CDHR5: variants seen among roughly 807,000 people sequenced by gnomAD.
The protein encoded by CDHR5 is cadherin related family member 5.
In CDHR5, 82 loss-of-function variants were observed where a neutral mutation model predicts 69.5. The observed-to-expected ratio is 1.18, with a 90% CI of 0.99 to 1.42. The LOEUF is 1.42. CDHR5 is among the 40% of genes most tolerant of loss of function. CDHR5 has a pLI of 0.00. For synonymous variants in CDHR5, 601 were observed against 510.2 expected (o/e 1.18, Z -2.40); for missense variants, 1,293 against 1,168.9 (o/e 1.11, Z -1.55).
chr11:617,056 A>G lies in CDHR5; in HGVS notation c.*295T>C. On this transcript the variant is annotated 3_prime_UTR_variant, in exon 15 of 15. Coordinates refer to ENST00000397542, the MANE Select transcript of CDHR5 (RefSeq NM_021924.5). ...GGTTAGAGCGGGAGAGGAACTTCCC[A>G]GACTAGCTGGCACAGAGCCTCGGGA... The G allele has an allele frequency of 2.2e-6, 1 of 458,950 alleles. No homozygotes were observed. The highest frequency in any genetic ancestry group is 3.9e-6 in the Non-Finnish European group (1 of 256,988). The allele number at this position is 458,950 out of a possible 1,614,324, so 28.4% of individuals were successfully genotyped here.
chr11:621,631 C>CT lies in CDHR5; in HGVS notation c.437dup (p.Thr147AspfsTer6), dbSNP rs773949240. On this transcript the variant is annotated frameshift_variant, in exon 5 of 15. Coordinates refer to ENST00000397542, the MANE Select transcript of CDHR5 (RefSeq NM_021924.5). LOFTEE classifies it high-confidence loss of function. The surrounding 1 kb of genome is among the most constrained non-coding windows in gnomAD (Gnocchi z 4.4). ...CGCGGTCCTCAGCCTGCAGTTGCGT[C>CT]TCGGGGATGACGGTGGAGTTCACTT... 1 of 1,613,800 alleles carries CT rather than the reference C, an allele frequency of 6.2e-7. No individual in the cohort carries two copies. The highest frequency in any genetic ancestry group is 1.1e-5 in the South Asian group (1 of 91,066).
At chr11:622,736 A>G (rs1857486669) in intron 3 of CDHR5, among the ~76,000 whole-genome samples, 2 of 151,764 alleles carry the variant, frequency 1.3e-5, no homozygotes, top group Admixed American at 6.6e-5. Flanking sequence ...TCGGCCTCCC[A>G]AAGTGCTGGG....
Position 621,778 on chromosome 11 carries a change from C to T in CDHR5, c.405+34G>A, listed in dbSNP as rs969268819. ...GCCCTCACCCTGGGCTCCCACACCC[C>T]CGTGCCCAGTCCCCGCGGCTTCGCT... is the stretch of plus-strand genomic sequence containing the variant. On this transcript the variant is annotated intron_variant, in intron 4 of 14. Transcript: ENST00000397542. The surrounding 1 kb of genome is among the most constrained non-coding windows in gnomAD (Gnocchi z 4.4). 5 of 1,590,776 alleles carry T rather than the reference C, an allele frequency of 3.1e-6. No homozygotes were observed. In the African/African-American group the frequency reaches 5.4e-5, roughly 17 times the overall value.
Position 621,480 on chromosome 11 carries a change from G to T in CDHR5, c.508-25C>A. 6.2e-7 allele frequency: 1 copy of T among 1,602,888 alleles called. No homozygotes were observed. The highest frequency in any genetic ancestry group is 8.5e-7 in the Non-Finnish European group (1 of 1,170,502). ...CCTGGGGAGGGTCAGGGAGGACAGA[G>T]CCTAAGAGCCTTGGAGGGCGAGGGC... On this transcript the variant is annotated intron_variant, in intron 5 of 14. Coordinates refer to ENST00000397542, the MANE Select transcript of CDHR5 (RefSeq NM_021924.5). This position sits in a 1 kb window ranked among gnomAD's most constrained non-coding sequence, Gnocchi z 4.4.
intron 8 of CDHR5, 45 bp from the exon 9 acceptor site, chr11:620,209 AG>A: frequency 1.9e-6 from 3 of 1,591,714 alleles, no homozygotes; most frequent in Non-Finnish European, 2.6e-6. Context: ...CCTGAGGCCC[AG>A]GGACCCAGCC....
rs1317140331 is a variant in CDHR5 at position 624,382 on chromosome 11, G to A, written c.262-119C>T. On this transcript the variant is annotated intron_variant, in intron 2 of 14. Coordinates refer to ENST00000397542, the MANE Select transcript of CDHR5 (RefSeq NM_021924.5). This position sits in a 1 kb window ranked among gnomAD's most constrained non-coding sequence, Gnocchi z 5.3. ...TCAGTGGTCAGTGCTGAGGGTGTGGGCCCAGGCAGCTTCATCCCGAAATGG... is the reference window on the plus strand; with the variant it reads ...TCAGTGGTCAGTGCTGAGGGTGTGGACCCAGGCAGCTTCATCCCGAAATGG... 8 of 760,518 alleles carry A rather than the reference G, an allele frequency of 1.1e-5. No homozygotes were observed. The highest frequency in any genetic ancestry group is 1.9e-5 in the Non-Finnish European group (8 of 423,270). The allele number at this position is 760,518 out of a possible 1,614,324, so 47.1% of individuals were successfully genotyped here.
chr11:620,977 C>T, intron 7 of CDHR5, 103 bp downstream of exon 7: 2 of 741,070 alleles, frequency 2.7e-6, no homozygotes, highest in Middle Eastern at 4.2e-4. Context: ...TCGGCCCCAC[C>T]CCCTGACCCC....
chr11:620,977 CCCCTGA>C, intron 7 of CDHR5, 97 bp downstream of exon 7: 2 of 741,066 alleles, frequency 2.7e-6, no homozygotes, highest in African/African-American at 1.8e-5. Context: ...TCGGCCCCAC[CCCCTGA>C]CCCCGACCCC....
At position 620,348 on chromosome 11, in the gene CDHR5, A is replaced by G; in HGVS notation, c.828T>C (p.Ala276=). ...GGTTGATGCCGCGGTCTCCGTCCTC[A>G]GCGTAGATGGGTCCGGGACGCAGGA... The part of the protein sequence containing the change: ...PLVLRPGPIY[A]EDGDRGINQP... Residue 276 remains alanine, a synonymous_variant, in exon 8 of 15, where the codon GCT becomes GCC. Coordinates refer to ENST00000397542, the MANE Select transcript of CDHR5 (RefSeq NM_021924.5). 1 of 1,612,590 alleles carries G rather than the reference A, an allele frequency of 6.2e-7. No homozygotes were observed. The highest frequency in any genetic ancestry group is 8.5e-7 in the Non-Finnish European group (1 of 1,179,196).
rs753895805 is a variant in CDHR5 at position 624,631 on chromosome 11, C to T, written c.187G>A (p.Gly63Arg). 24 of 1,613,124 alleles carry T rather than the reference C, an allele frequency of 1.5e-5. No homozygotes were observed. The highest frequency in any genetic ancestry group is 2.2e-5 in the East Asian group (1 of 44,874). Residue 63 changes from glycine (G) to arginine (R), a missense_variant, in exon 2 of 15, where the codon GGA becomes AGA. Transcript: ENST00000397542. This position sits in a 1 kb window ranked among gnomAD's most constrained non-coding sequence, Gnocchi z 5.3. Reference sequence around the variant, plus strand: ...AATGCAAAGGGGGTGGACAAGGCTCCGAGGGTCACCTCCTGGCCCTCCGGG... The same window carrying T: ...AATGCAAAGGGGGTGGACAAGGCTCTGAGGGTCACCTCCTGGCCCTCCGGG... ...HVPEGQEVTLGALSTPFAFRI... is the reference protein window; with the variant it reads ...HVPEGQEVTLRALSTPFAFRI...
intron 14 of CDHR5, 72 bp downstream of exon 14, chr11:617,882 C>T (rs1187505405): frequency 2.1e-5 from 32 of 1,543,386 alleles, no homozygotes; most frequent in Middle Eastern, 2.1e-4. Context: ...GTCCCTCTGC[C>T]CTCCCCTCTC....
intron 14 of CDHR5, 64 bp downstream of exon 14, chr11:617,890 C>T (rs1857063772): frequency 2.6e-6 from 4 of 1,562,202 alleles, no homozygotes; most frequent in Non-Finnish European, 3.5e-6. Flanking sequence ...GCCCTCCCCT[C>T]TCCTGTCCCC....
rs115162963 is a variant in CDHR5, at chr11:624,527, C to T, written c.261+30G>A. The stretch of plus-strand genomic sequence containing the variant: ...GATGCAGGTGCCCTTCTCCCGGGAC[C>T]CCCATATCCCGCCCGCCTGCCGCCC... On this transcript the variant is annotated intron_variant, in intron 2 of 14. Coordinates refer to ENST00000397542, the MANE Select transcript of CDHR5 (RefSeq NM_021924.5). This position sits in a 1 kb window ranked among gnomAD's most constrained non-coding sequence, Gnocchi z 5.3. 3.4e-3 allele frequency: 5,530 copies of T among 1,603,814 alleles called. 142 individuals carry two copies. In the African/African-American group the frequency reaches 0.059, roughly 17 times the overall value.
At chr11:619,282 G>A (rs1467211496) in intron 12 of CDHR5, 24 bp downstream of exon 12, 4 of 1,553,144 alleles carry the variant, frequency 2.6e-6, no homozygotes, top group Non-Finnish European at 3.5e-6. Flanking sequence ...AACCCTGGGG[G>A]CTCACCTGTG....
rs576243733 is a variant in CDHR5, at chr11:617,277, C to T, written c.*74G>A. The T allele has an allele frequency of 1.5e-4, 190 of 1,243,250 alleles. 1 individual carries two copies. The African/African-American group carries it at 2.7e-3, about 18-fold the overall frequency. The allele number at this position is 1,243,250 out of a possible 1,614,324, so 77.0% of individuals were successfully genotyped here. A position where few individuals can be genotyped will look rare whatever the true frequency, so the allele number is the denominator to read the frequency against. Reference sequence around the variant, plus strand: ...TGGGTTTCGGGAGCCTTGCTTTATTCTGCCTCGGGTCGGAGGCTGGGGGAG... The same window carrying T: ...TGGGTTTCGGGAGCCTTGCTTTATTTTGCCTCGGGTCGGAGGCTGGGGGAG... On this transcript the variant is annotated 3_prime_UTR_variant, in exon 15 of 15. Transcript: ENST00000397542.
rs542949299 is a variant in CDHR5 at position 618,228 on chromosome 11, C to G, written c.1961-117G>C. The G allele has an allele frequency of 5.8e-6, 5 of 868,434 alleles. No individual in the cohort carries two copies. In the East Asian group the frequency reaches 7.9e-5, roughly 14 times the overall value. 53.8% of individuals were successfully genotyped at this position (868,434 alleles called of 1,614,324 possible). ...GGTTCCACCCAGGCCTGGGCTGTCT[C>G]CCAAATCTCAGGCTCTGCTGACCCT... is the stretch of plus-strand genomic sequence containing the variant. On this transcript the variant is annotated intron_variant, in intron 13 of 14. Transcript: ENST00000397542.
Position 624,167 on chromosome 11 carries a change from A to T in CDHR5, c.312+46T>A. The T allele has an allele frequency of 1.4e-6, 1 of 729,230 alleles. No individual in the cohort carries two copies. Among genetic ancestry groups the T allele is most frequent in the Non-Finnish European group, 2.5e-6 (1 of 392,848 alleles). 45.2% of individuals were successfully genotyped at this position (729,230 alleles called of 1,614,324 possible). Reference sequence around the variant, plus strand: ...GTCCTGGACCGGCAGGGCAGAGCCCAGCAGAGGTGGCCGGGTGGGGCGGGG... The same window carrying T: ...GTCCTGGACCGGCAGGGCAGAGCCCTGCAGAGGTGGCCGGGTGGGGCGGGG... On this transcript the variant is annotated intron_variant, in intron 3 of 14. Transcript: ENST00000397542. This position sits in a 1 kb window ranked among gnomAD's most constrained non-coding sequence, Gnocchi z 5.3.
Position 617,770 on chromosome 11 carries a change from C to T in CDHR5, c.2119G>A (p.Glu707Lys), listed in dbSNP as rs957715577. The change falls in exon 15 of 15, where the codon GAG becomes AAG. Residue 707 changes from glutamate to lysine, a missense_variant and splice_region_variant. By Grantham distance (56) the Glu-to-Lys change is moderately conservative (BLOSUM62 1). Transcript: ENST00000397542. ...TTGTCAAAGCCTTGGGGCTGGGGCT[C>T]CTGCAGGCGGGAGTCGAGGCGTCAG... Reference protein sequence around the residue: ...RLKCCCGKAPEPQPQGFDNQA... With the variant: ...RLKCCCGKAPKPQPQGFDNQA... 6 of 1,452,800 alleles carry T rather than the reference C, an allele frequency of 4.1e-6. No individual in the cohort carries two copies. The highest frequency in any genetic ancestry group is 2.5e-5 in the East Asian group (1 of 40,672). The allele number at this position is 1,452,800 out of a possible 1,614,324, so 90.0% of individuals were successfully genotyped here.
At chr11:620,487 G>A in intron 7 of CDHR5, 101 bp from the exon 8 acceptor site, 1 of 795,890 alleles carries the variant, frequency 1.3e-6, no homozygotes, top group South Asian at 1.7e-5. Flanking sequence ...GGCTGAGGAG[G>A]GGCCCAGTCC....
Sources: allele counts gnomAD v4.1 joint callset (sites outside exome capture counted in the v4.1 genomes callset), GRCh38; gene constraint gnomAD v4.1.1; non-coding constraint Gnocchi (gnomAD v3.1); transcripts MANE v1.5; gene names NCBI Gene and HGNC (gene_info 2026-07-23, HGNC 2026-07-21).